Variants in SPIRE1 observed in about 807,000 individuals in gnomAD.
SPIRE1 encodes the protein protein spire homolog 1.
A neutral mutation model predicts 94.1 loss-of-function variants in SPIRE1; 40 were observed. The ratio of observed to expected loss-of-function variants is 0.43; its 90% CI spans 0.33 to 0.55. The LOEUF (loss-of-function observed/expected upper bound fraction) is 0.55. Among genes scored for constraint, SPIRE1 ranks in the 20% least tolerant of loss-of-function variants. SPIRE1 has a pLI of 0.06. For synonymous variants in SPIRE1, 376 were observed against 371.7 expected (o/e 1.01, Z -0.13); for missense variants, 838 against 975.2 (o/e 0.86, Z 1.87).
At chr18:12,515,214 C>CT (rs905520628) in intron 4 of SPIRE1, among the ~76,000 whole-genome samples, 13 of 149,268 alleles carry the variant, frequency 8.7e-5, no homozygotes, top group African/African-American at 1.2e-4. Flanking sequence ...ATACTTTTTT[C>CT]TTTTTTTTTT....
intron 2 of SPIRE1, among the ~76,000 whole-genome samples, chr18:12,618,776 A>G (rs577772596): frequency 3.9e-5 from 6 of 152,366 alleles, no homozygotes; most frequent in South Asian, 4.1e-4. Flanking sequence ...TAAGACTGTT[A>G]TTTAACATTC....
chr18:12,538,829 A>G (rs1875711445), intron 3 of SPIRE1, among the ~76,000 whole-genome samples: 2 of 152,226 alleles, frequency 1.3e-5, no homozygotes, highest in African/African-American at 2.4e-5. Flanking sequence ...ATCCTTGATT[A>G]TTCTTTATTC....
chr18:12,565,762 G>GA (rs145691424), intron 2 of SPIRE1, among the ~76,000 whole-genome samples: 51,094 of 151,172 alleles, frequency 0.34, 10,079 homozygotes, highest in East Asian at 0.58. Flanking sequence ...TTGGCCGGGC[G>GA]CGGTGGCTCA....
chr18:12,538,620 A>G (rs1054796350), intron 3 of SPIRE1, among the ~76,000 whole-genome samples: 1 of 152,012 alleles, frequency 6.6e-6, no homozygotes, highest in Admixed American at 6.6e-5. Flanking sequence ...ACTTATGGCT[A>G]TGTACTTAGC....
intron 2 of SPIRE1, among the ~76,000 whole-genome samples, chr18:12,611,483 T>A (rs1324639170): frequency 6.6e-6 from 1 of 152,186 alleles, no homozygotes; most frequent in Non-Finnish European, 1.5e-5. Flanking sequence ...AAGTGAGCCA[T>A]CTCAGAGGCA....
intron 1 of SPIRE1, among the ~76,000 whole-genome samples, chr18:12,640,420 C>T (rs1293218977): frequency 6.6e-6 from 1 of 152,176 alleles, no homozygotes; most frequent in Non-Finnish European, 1.5e-5. Flanking sequence ...CATACCTCTG[C>T]CACCTTCATT....
At chr18:12,575,484 C>G (rs11875046) in intron 2 of SPIRE1, among the ~76,000 whole-genome samples, 21,138 of 151,954 alleles carry the variant, frequency 0.14, 1,731 homozygotes, top group African/African-American at 0.2. Context: ...ATAGCTGGGA[C>G]TACAGATGCA....
chr18:12,622,130 T>C (rs1262263543), intron 2 of SPIRE1, among the ~76,000 whole-genome samples: 1 of 152,140 alleles, frequency 6.6e-6, no homozygotes, highest in Non-Finnish European at 1.5e-5. Flanking sequence ...AGCTACTCCT[T>C]CAGTCACCAG....
At chr18:12,548,855 T>C (rs2035251098) in intron 2 of SPIRE1, among the ~76,000 whole-genome samples, 1 of 152,172 alleles carries the variant, frequency 6.6e-6, no homozygotes, top group South Asian at 2.1e-4. Context: ...ACTTAAGCAA[T>C]GGGCCTGCCT....
chr18:12,474,052 A>C (rs890376986), intron 10 of SPIRE1, among the ~76,000 whole-genome samples: 13 of 152,226 alleles, frequency 8.5e-5, no homozygotes, highest in African/African-American at 2.9e-4. Flanking sequence ...AAACAAACAA[A>C]CCAAAAAAAC....
chr18:12,525,836 T>C (rs1031673201), intron 4 of SPIRE1, among the ~76,000 whole-genome samples: 1 of 152,148 alleles, frequency 6.6e-6, no homozygotes, highest in African/African-American at 2.4e-5. Flanking sequence ...TAACTCCATC[T>C]ACTCATTCCT....
intron 2 of SPIRE1, among the ~76,000 whole-genome samples, chr18:12,596,120 G>T (rs2144612266): frequency 6.6e-6 from 1 of 152,322 alleles, no homozygotes; most frequent in South Asian, 2.1e-4. Context: ...GGGCAGATCT[G>T]CAATCAAGTC....
intron 10 of SPIRE1, among the ~76,000 whole-genome samples, chr18:12,471,302 G>T (rs2032349653): frequency 6.6e-6 from 1 of 151,890 alleles, no homozygotes; most frequent in Non-Finnish European, 1.5e-5. Context: ...CCTGGCTAGG[G>T]GCTCAGTTTT....
Position 12,657,544 on chromosome 18 carries a change from G to T in SPIRE1, c.323C>A (p.Pro108Gln). 8.1e-7 allele frequency: 1 copy of T among 1,233,676 alleles called. No individual in the cohort carries two copies. The highest frequency in any genetic ancestry group is 1.0e-6 in the Non-Finnish European group (1 of 988,666). The allele number at this position is 1,233,676 out of a possible 1,614,324, so 76.4% of individuals were successfully genotyped here. The part of the protein sequence containing the change: ...LAPAADDAGE[P>Q]PPVAGKLGYS... ...GGCGGCCTCACCCGCAACTGGGGGC[G>T]GCTCTCCCGCGTCGTCGGCCGCGGG... The change falls in exon 1 of 17, where the codon CCG becomes CAG. Residue 108 changes from proline to glutamine, a missense_variant. This residue lies in a region of SPIRE1 where 193 missense variants were observed against 170.5 expected (regional missense o/e 1.13). Coordinates refer to ENST00000409402, the MANE Select transcript of SPIRE1 (RefSeq NM_001128626.2).
chr18:12,549,696 G>T (rs1028575371), intron 2 of SPIRE1, among the ~76,000 whole-genome samples: 13 of 151,780 alleles, frequency 8.6e-5, no homozygotes, highest in African/African-American at 3.1e-4. Flanking sequence ...TGATCCGCCT[G>T]CCTTGGCCTC....
intron 12 of SPIRE1, among the ~76,000 whole-genome samples, chr18:12,460,536 A>C (rs1032513370): frequency 7.2e-5 from 11 of 152,162 alleles, no homozygotes; most frequent in Admixed American, 6.5e-5. Context: ...AACATGGAGA[A>C]ACCCCGTCTC....
chr18:12,649,928 C>T (rs995959554), intron 1 of SPIRE1, among the ~76,000 whole-genome samples: 1 of 152,098 alleles, frequency 6.6e-6, no homozygotes, highest in Non-Finnish European at 1.5e-5. Flanking sequence ...AAATATATTG[C>T]ATGGTAAATT....
chr18:12,629,016 T>C (rs1344810246), intron 2 of SPIRE1, among the ~76,000 whole-genome samples: 1 of 152,234 alleles, frequency 6.6e-6, no homozygotes, highest in East Asian at 1.9e-4. Context: ...AATGATTCTA[T>C]GGTACAATTT....
intron 10 of SPIRE1, among the ~76,000 whole-genome samples, chr18:12,467,628 C>T (rs113810246): frequency 2.2e-4 from 33 of 152,310 alleles, no homozygotes; most frequent in East Asian, 7.7e-4. Context: ...GTGCCTCACA[C>T]GTGTACTTCA....
Sources: allele counts gnomAD v4.1 joint callset (sites outside exome capture counted in the v4.1 genomes callset), GRCh38; gene constraint gnomAD v4.1.1; regional missense constraint gnomAD v4.1.1; transcripts MANE v1.5; gene names NCBI Gene and HGNC (gene_info 2026-07-23, HGNC 2026-07-21).